RNF228: variants seen among roughly 807,000 people sequenced by gnomAD.
The protein encoded by RNF228 is ring finger protein 228.
chr2:222,315,890 C>A, the RNF228 span, among the ~76,000 whole-genome samples: 1 of 152,308 alleles, frequency 6.6e-6, no homozygotes, highest in Middle Eastern at 3.4e-3. Flanking sequence ...ATGAGTCTAA[C>A]CTGTAGCCCT....
chr2:222,317,219 G>T, the RNF228 span: 1 of 152,194 alleles, frequency 6.6e-6, no homozygotes, highest in African/African-American at 2.4e-5. Flanking sequence ...ATTTTACCAT[G>T]AAATTAATGT....
chr2:222,319,237 T>C, the RNF228 span: 1 of 327,116 alleles, frequency 3.1e-6, no homozygotes, highest in East Asian at 4.3e-5. The surrounding 1 kb of genome is among the most constrained non-coding windows in gnomAD (Gnocchi z 7.6). Context: ...GGCGACCCGG[T>C]GGCCGGTGCC....
chr2:222,315,477 T>C, the RNF228 span, among the ~76,000 whole-genome samples: 1 of 152,180 alleles, frequency 6.6e-6, no homozygotes, highest in Non-Finnish European at 1.5e-5. Flanking sequence ...CAGACCTCTC[T>C]GGGGAGGTAA....
the RNF228 span, chr2:222,319,395 T>G: frequency 2.7e-5 from 8 of 298,878 alleles, no homozygotes; most frequent in Non-Finnish European, 4.9e-5. The surrounding 1 kb of genome is among the most constrained non-coding windows in gnomAD (Gnocchi z 7.6). Context: ...CTTGCAGTTC[T>G]GGCAGCTGTC....
At chr2:222,318,947 G>A in the RNF228 span, 1 of 152,770 alleles carries the variant, frequency 6.5e-6, no homozygotes, top group Non-Finnish European at 1.5e-5. Flanking sequence ...GCAGAAGCTC[G>A]AGCGCACCGA....
At chr2:222,314,887 A>T in the RNF228 span, among the ~76,000 whole-genome samples, 2 of 152,244 alleles carry the variant, frequency 1.3e-5, no homozygotes, top group Non-Finnish European at 2.9e-5. Flanking sequence ...AGGTGCTGCT[A>T]GCCTTGGAGG....
the RNF228 span, chr2:222,319,263 C>T: frequency 5.9e-6 from 2 of 337,206 alleles, no homozygotes; most frequent in African/African-American, 2.2e-5. The surrounding 1 kb of genome is among the most constrained non-coding windows in gnomAD (Gnocchi z 7.6). Context: ...AGGGGGCGCC[C>T]CGCCTCCGGG....
chr2:222,316,655 G>C, the RNF228 span, among the ~76,000 whole-genome samples: 6 of 152,128 alleles, frequency 3.9e-5, no homozygotes, highest in Non-Finnish European at 1.5e-5. Context: ...CATGTACAAT[G>C]GTTACAGCCA....
chr2:222,314,919 A>T, the RNF228 span, among the ~76,000 whole-genome samples: 1 of 152,264 alleles, frequency 6.6e-6, no homozygotes, highest in African/African-American at 2.4e-5. Flanking sequence ...ACATGTTCAC[A>T]AAGATACCTT....
the RNF228 span, chr2:222,319,226 G>A: frequency 1.5e-4 from 49 of 325,272 alleles, no homozygotes; most frequent in Admixed American, 2.5e-4. This position sits in a 1 kb window ranked among gnomAD's most constrained non-coding sequence, Gnocchi z 7.6. Flanking sequence ...GCGAGGGCGA[G>A]GGCGACCCGG....
chr2:222,316,654 T>C, the RNF228 span, among the ~76,000 whole-genome samples: 8 of 152,320 alleles, frequency 5.3e-5, no homozygotes, highest in Admixed American at 4.6e-4. Flanking sequence ...ACATGTACAA[T>C]GGTTACAGCC....
At chr2:222,318,781 C>CCA in the RNF228 span, 6 of 151,080 alleles carry the variant, frequency 4.0e-5, no homozygotes, top group East Asian at 3.9e-4. Context: ...ACCCCCCCCC[C>CCA]CCACCAACAT....
At chr2:222,319,821 CAGA>C in the RNF228 span, among the ~76,000 whole-genome samples, 1 of 150,934 alleles carries the variant, frequency 6.6e-6, no homozygotes, top group African/African-American at 2.4e-5. The surrounding 1 kb of genome is among the most constrained non-coding windows in gnomAD (Gnocchi z 7.6). Context: ...GCACTCCTGG[CAGA>C]AGGTGTGCAA....
the RNF228 span, among the ~76,000 whole-genome samples, chr2:222,314,239 C>T: frequency 1.3e-5 from 2 of 152,116 alleles, no homozygotes; most frequent in Non-Finnish European, 2.9e-5. Context: ...TATTTCAGTC[C>T]GCTTAAGAGT....
At chr2:222,319,845 A>C in the RNF228 span, among the ~76,000 whole-genome samples, 1 of 151,482 alleles carries the variant, frequency 6.6e-6, no homozygotes, top group South Asian at 2.1e-4. This position sits in a 1 kb window ranked among gnomAD's most constrained non-coding sequence, Gnocchi z 7.6. Flanking sequence ...GCACGCCAGC[A>C]GCTTGGGCGC....
chr2:222,315,950 TACAGAG>T, the RNF228 span, among the ~76,000 whole-genome samples: 1 of 151,968 alleles, frequency 6.6e-6, no homozygotes, highest in Non-Finnish European at 1.5e-5. Flanking sequence ...TCCAAGCAGG[TACAGAG>T]ACCAGACCAG....
the RNF228 span, among the ~76,000 whole-genome samples, chr2:222,317,081 C>T: frequency 5.9e-5 from 9 of 152,126 alleles, no homozygotes; most frequent in Non-Finnish European, 1.2e-4. Context: ...CCACTAAATG[C>T]CCATCTTAGC....
chr2:222,317,467 T>C, the RNF228 span: 1 of 152,216 alleles, frequency 6.6e-6, no homozygotes, highest in Non-Finnish European at 1.5e-5. Flanking sequence ...ATACCTTCAG[T>C]AGATTCTGTG....
chr2:222,318,023 A>C, the RNF228 span: 3 of 152,232 alleles, frequency 2.0e-5, no homozygotes, highest in Non-Finnish European at 4.4e-5. Flanking sequence ...TTCAAAAATA[A>C]ATTATATGTT....
Sources: gnomAD v4.1 joint callset for allele counts (sites outside exome capture counted in the v4.1 genomes callset) on GRCh38, gnomAD v4.1.1 for gene constraint, Gnocchi (gnomAD v3.1) non-coding constraint, MANE v1.5 for transcripts, NCBI Gene and HGNC (gene_info 2026-07-23, HGNC 2026-07-21) for gene names.